The following SIL1 variants were observed in gnomAD, a reference collection of about 807,000 sequenced individuals.
SIL1 encodes SIL1 nucleotide exchange factor, also known as nucleotide exchange factor SIL1.
Under a neutral mutation model 49.1 loss-of-function variants are expected in SIL1, and 40 were observed. The observed-to-expected ratio is 0.81, with a 90% CI of 0.63 to 1.06. The LOEUF is 1.06. SIL1 is among the 50% of genes least tolerant of loss of function. The pLI, the probability that SIL1 is intolerant of heterozygous loss-of-function variation, is 0.00. For missense variants in SIL1, 500 were observed against 572.6 expected (o/e 0.87, Z 1.29); for synonymous variants, 253 against 250.8 (o/e 1.01, Z -0.08).
chr5:139,169,731 T>C (rs1159303641), intron 1 of SIL1, among the ~76,000 whole-genome samples: 1 of 152,044 alleles, frequency 6.6e-6, no homozygotes, highest in Non-Finnish European at 1.5e-5. Flanking sequence ...TCCACCCACC[T>C]TGGCCTCCCA....
chr5:138,988,381 T>C (rs958287608), intron 7 of SIL1, among the ~76,000 whole-genome samples: 4 of 152,228 alleles, frequency 2.6e-5, no homozygotes, highest in South Asian at 2.1e-4. Context: ...ACTAATGACA[T>C]AGGCATTCCA....
intron 7 of SIL1, among the ~76,000 whole-genome samples, chr5:138,957,187 G>C (rs1225923861): frequency 3.9e-5 from 6 of 152,228 alleles, no homozygotes; most frequent in African/African-American, 1.4e-4. Context: ...CTTCCTGAGG[G>C]TCATCTGGTA....
At chr5:139,164,765 A>G (rs1751583075) in intron 1 of SIL1, among the ~76,000 whole-genome samples, 1 of 152,202 alleles carries the variant, frequency 6.6e-6, no homozygotes, top group Non-Finnish European at 1.5e-5. Context: ...GGTAGAGTAG[A>G]AAGCAATGAG....
At chr5:138,967,006 C>G (rs769611269) in intron 7 of SIL1, among the ~76,000 whole-genome samples, 1 of 152,156 alleles carries the variant, frequency 6.6e-6, no homozygotes, top group Non-Finnish European at 1.5e-5. Flanking sequence ...CTGTGAGTAT[C>G]GAGTGAGATA....
intron 7 of SIL1, among the ~76,000 whole-genome samples, chr5:139,004,433 G>T (rs115251664): frequency 0.012 from 1,831 of 152,220 alleles, 34 homozygotes; most frequent in African/African-American, 0.041. Flanking sequence ...AAGAGGTTTG[G>T]AAAAGTATCA....
intron 3 of SIL1, among the ~76,000 whole-genome samples, chr5:139,061,740 A>C (rs1253609092): frequency 6.6e-6 from 1 of 152,216 alleles, no homozygotes; most frequent in African/African-American, 2.4e-5. Context: ...AACCCGGATG[A>C]AGCAAAGACA....
At chr5:139,121,233 A>C in intron 2 of SIL1, 60 bp from the exon 3 acceptor site, 1 of 1,611,790 alleles carries the variant, frequency 6.2e-7, no homozygotes, top group Non-Finnish European at 8.5e-7. Flanking sequence ...AAGCAGAAAA[A>C]AAATGGCCTA....
chr5:139,102,751 G>A (rs1188860686), intron 3 of SIL1, among the ~76,000 whole-genome samples: 3 of 137,592 alleles, frequency 2.2e-5, no homozygotes, highest in African/African-American at 8.1e-5. Context: ...TTTTGCTCTT[G>A]TTGCCCAGGC....
At chr5:139,185,293 G>C (rs994967532) in intron 1 of SIL1, among the ~76,000 whole-genome samples, 1 of 152,128 alleles carries the variant, frequency 6.6e-6, no homozygotes, top group East Asian at 1.9e-4. Flanking sequence ...TGCCGGGATG[G>C]GCTCTGGCCA....
chr5:139,082,255 G>A (rs1459015849), intron 3 of SIL1, among the ~76,000 whole-genome samples: 1 of 152,200 alleles, frequency 6.6e-6, no homozygotes, highest in Admixed American at 6.5e-5. Context: ...CCTTCAGGCT[G>A]ATGATAGAAC....
intron 7 of SIL1, among the ~76,000 whole-genome samples, chr5:138,982,757 A>G (rs1038856756): frequency 6.6e-6 from 1 of 152,188 alleles, no homozygotes; most frequent in African/African-American, 2.4e-5. Flanking sequence ...TTCTTTTCAG[A>G]TGTTTAGCAA....
At chr5:139,163,039 A>G (rs11744695) in intron 1 of SIL1, among the ~76,000 whole-genome samples, 55,105 of 151,332 alleles carry the variant, frequency 0.36, 11,873 homozygotes, top group South Asian at 0.51. Flanking sequence ...CCCTCTGTTT[A>G]AGAAGCAGAA....
At chr5:139,104,281 T>TC (rs1233935588) in intron 3 of SIL1, among the ~76,000 whole-genome samples, 3 of 152,060 alleles carry the variant, frequency 2.0e-5, no homozygotes, top group African/African-American at 7.2e-5. Flanking sequence ...CAACAATGGG[T>TC]CGAGCATGGG....
chr5:139,052,382 C>T (rs894697195), intron 3 of SIL1, among the ~76,000 whole-genome samples: 1 of 152,142 alleles, frequency 6.6e-6, no homozygotes, highest in South Asian at 2.1e-4. Flanking sequence ...TCCCTCTAAC[C>T]CCAACCATTA....
At chr5:138,964,054 G>A (rs1211448448) in intron 7 of SIL1, among the ~76,000 whole-genome samples, 21 of 152,206 alleles carry the variant, frequency 1.4e-4, no homozygotes, top group Admixed American at 1.3e-3. Flanking sequence ...TCACCAGACC[G>A]GAATGGGAAC....
At chr5:138,987,089 T>TATTTTATTTC (rs1767664293) in intron 7 of SIL1, among the ~76,000 whole-genome samples, 1 of 144,372 alleles carries the variant, frequency 6.9e-6, no homozygotes, top group South Asian at 2.2e-4. Flanking sequence ...TAGATTATTT[T>TATTTTATTTC]ATTTTATTTT....
At chr5:139,192,223 C>CAA (rs71574438) in intron 1 of SIL1, among the ~76,000 whole-genome samples, 12 of 107,142 alleles carry the variant, frequency 1.1e-4, no homozygotes, top group Non-Finnish European at 1.4e-4. Context: ...GACCCCATCT[C>CAA]AAAAAAAAAA....
At chr5:139,154,018 T>C (rs1751359227) in intron 1 of SIL1, among the ~76,000 whole-genome samples, 1 of 152,232 alleles carries the variant, frequency 6.6e-6, no homozygotes. Flanking sequence ...GCTTCTGCTT[T>C]CTCGCCTTCT....
At chr5:139,128,294 C>A (rs1304680803) in intron 1 of SIL1, among the ~76,000 whole-genome samples, 3 of 152,138 alleles carry the variant, frequency 2.0e-5, no homozygotes, top group African/African-American at 7.2e-5. Context: ...GCATCAATAT[C>A]CTCTAAGACA....
Sources: gnomAD v4.1 joint callset for allele counts (sites outside exome capture counted in the v4.1 genomes callset) on GRCh38, gnomAD v4.1.1 for gene constraint, MANE v1.5 for transcripts, NCBI Gene and HGNC (gene_info 2026-07-23, HGNC 2026-07-21) for gene names.